The following MGAT4C variants were observed in gnomAD, a reference collection of about 807,000 sequenced individuals.
MGAT4C encodes the protein MGAT4 family member C.
A neutral mutation model predicts 40.1 loss-of-function variants in MGAT4C; 19 were observed. That is an observed-to-expected ratio of 0.47 (90% CI 0.33 to 0.70). MGAT4C has a LOEUF of 0.70. MGAT4C is among the 30% of genes least tolerant of loss of function. The pLI, the probability that MGAT4C is intolerant of heterozygous loss-of-function variation, is 0.02. For synonymous variants in MGAT4C, 181 were observed against 187.1 expected (o/e 0.97, Z 0.27); for missense variants, 491 against 563.2 (o/e 0.87, Z 1.30).
At chr12:85,996,999 A>C (rs931850393) in intron 2 of MGAT4C, among the ~76,000 whole-genome samples, 5 of 152,194 alleles carry the variant, frequency 3.3e-5, no homozygotes, top group Non-Finnish European at 7.3e-5. Flanking sequence ...GCAGTGTATA[A>C]ATCTGTTTTC....
intron 4 of MGAT4C, among the ~76,000 whole-genome samples, chr12:86,295,153 T>C (rs114261910): frequency 0.018 from 2,783 of 152,328 alleles, 80 homozygotes; most frequent in African/African-American, 0.063. Context: ...ATTTTAGTTC[T>C]CTGAAAAATA....
At chr12:86,385,649 A>G (rs1458565298) in intron 3 of MGAT4C, among the ~76,000 whole-genome samples, 2 of 152,196 alleles carry the variant, frequency 1.3e-5, no homozygotes, top group African/African-American at 4.8e-5. Context: ...CTTCAGCCAC[A>G]GAAAATTACT....
chr12:86,717,938 C>T (rs1047124169), intron 2 of MGAT4C, among the ~76,000 whole-genome samples: 6 of 152,004 alleles, frequency 3.9e-5, no homozygotes, highest in African/African-American at 1.4e-4. Flanking sequence ...GTTTCTTTTT[C>T]CCTTACTATC....
At chr12:86,633,429 A>G (rs1682486010) in intron 2 of MGAT4C, among the ~76,000 whole-genome samples, 2 of 152,074 alleles carry the variant, frequency 1.3e-5, no homozygotes, top group African/African-American at 4.8e-5. Context: ...TATTTCCCCA[A>G]CATCTTCTAT....
intron 1 of MGAT4C, among the ~76,000 whole-genome samples, chr12:86,106,656 C>CTT (rs144123529): frequency 1.3e-5 from 2 of 149,100 alleles, no homozygotes; most frequent in Non-Finnish European, 3.0e-5. Flanking sequence ...TGTATATGGT[C>CTT]TTTTTTTTTT....
chr12:86,561,769 T>C (rs1006776960), intron 2 of MGAT4C, among the ~76,000 whole-genome samples: 2 of 152,160 alleles, frequency 1.3e-5, no homozygotes, highest in Non-Finnish European at 2.9e-5. Flanking sequence ...ATTAGATCTG[T>C]CCCTCTAGAA....
At chr12:86,618,439 A>G (rs1166761546) in intron 2 of MGAT4C, among the ~76,000 whole-genome samples, 1 of 152,196 alleles carries the variant, frequency 6.6e-6, no homozygotes, top group African/African-American at 2.4e-5. Context: ...TCATCAACAG[A>G]TGAATAGGTA....
intron 2 of MGAT4C, among the ~76,000 whole-genome samples, chr12:86,461,963 T>G (rs1957608681): frequency 6.6e-6 from 1 of 152,214 alleles, no homozygotes; most frequent in Non-Finnish European, 1.5e-5. Flanking sequence ...ACCAGCTGCA[T>G]GCAGCATTAC....
chr12:86,153,458 G>A (rs1440977879), intron 1 of MGAT4C, among the ~76,000 whole-genome samples: 4 of 152,058 alleles, frequency 2.6e-5, no homozygotes, highest in Non-Finnish European at 4.4e-5. Context: ...TATAAGTTAC[G>A]AAAACAGTTA....
chr12:86,352,918 A>C (rs1363195420), intron 3 of MGAT4C, among the ~76,000 whole-genome samples: 4 of 151,938 alleles, frequency 2.6e-5, no homozygotes, highest in Non-Finnish European at 5.9e-5. Context: ...CCTAATGTTA[A>C]ATGACGAGTT....
intron 1 of MGAT4C, among the ~76,000 whole-genome samples, chr12:86,831,331 A>T (rs1952923583): frequency 6.6e-6 from 1 of 151,760 alleles, no homozygotes; most frequent in African/African-American, 2.4e-5. Flanking sequence ...TCAGAGAGCT[A>T]CGAGATGAAC....
intron 1 of MGAT4C, among the ~76,000 whole-genome samples, chr12:86,240,207 T>C (rs1951728187): frequency 6.6e-6 from 1 of 151,236 alleles, no homozygotes; most frequent in Non-Finnish European, 1.5e-5. Flanking sequence ...ATATATCATA[T>C]ATATATATGT....
chr12:86,357,423 C>A (rs1955340967), intron 3 of MGAT4C, among the ~76,000 whole-genome samples: 1 of 152,144 alleles, frequency 6.6e-6, no homozygotes, highest in African/African-American at 2.4e-5. Context: ...CTCTTCTCCT[C>A]CAATGGAATG....
intron 1 of MGAT4C, among the ~76,000 whole-genome samples, chr12:86,770,558 TA>T (rs1266061135): frequency 2.0e-5 from 3 of 152,142 alleles, no homozygotes; most frequent in East Asian, 3.9e-4. Flanking sequence ...AGAAGGAAGT[TA>T]AAAGACAATT....
rs536442399 is a variant in MGAT4C, at chr12:86,368,865, G to GT, written c.-119-34739_-119-34738insA. On this transcript the variant is annotated intron_variant, in intron 3 of 7. Transcript: ENST00000548651. ...AAAGAAAATAGATTCTGCTGCTATT[G>GT]GGTGGAATTTCTATATATGCTCATT... 4.9e-3 allele frequency among the ~76,000 whole-genome samples: 745 copies of GT among 151,966 alleles called. 6 individuals are homozygous for GT. The highest frequency in any genetic ancestry group is 0.017 in the African/African-American group (706 of 41,506).
intron 2 of MGAT4C, among the ~76,000 whole-genome samples, chr12:86,483,138 C>T (rs1957963281): frequency 6.6e-6 from 1 of 152,124 alleles, no homozygotes. Context: ...CCTCACATGG[C>T]AGAAGGGGTG....
At position 85,962,497 on chromosome 12, in the gene MGAT4C, C is replaced by A. The variant is rs1883165995; in HGVS notation, c.*16792G>T. On this transcript the variant is annotated 3_prime_UTR_variant, in exon 5 of 5. Transcript: ENST00000611864. ...AACATTGTTTACTTTTTTATCCTCACAACAATTCAACATGATATGTATGGT... is the reference window on the plus strand; with the variant it reads ...AACATTGTTTACTTTTTTATCCTCAAAACAATTCAACATGATATGTATGGT... 1 of 148,694 alleles carries A rather than the reference C, an allele frequency of 6.7e-6. No homozygotes were observed. Among genetic ancestry groups the A allele is most frequent in the Non-Finnish European group, 1.5e-5 (1 of 67,046 alleles). 9.2% of individuals were successfully genotyped at this position (148,694 alleles called of 1,614,324 possible).
chr12:86,814,311 T>TG (rs1566009087), intron 1 of MGAT4C, among the ~76,000 whole-genome samples: 1 of 4,946 alleles, frequency 2.0e-4, no homozygotes, highest in Non-Finnish European at 2.8e-4. Flanking sequence ...CGTATATATA[T>TG]ACGTATATAT....
intron 2 of MGAT4C, among the ~76,000 whole-genome samples, chr12:86,525,144 G>A (rs1958859290): frequency 1.3e-5 from 2 of 152,252 alleles, no homozygotes; most frequent in Admixed American, 6.5e-5. Flanking sequence ...TGTCAGAGGA[G>A]GGACCTGGTG....
Sources: allele counts gnomAD v4.1 joint callset (sites outside exome capture counted in the v4.1 genomes callset), GRCh38; gene constraint gnomAD v4.1.1; transcripts MANE v1.5; gene names NCBI Gene and HGNC (gene_info 2026-07-23, HGNC 2026-07-21).